GABPB1: variants seen among roughly 807,000 people sequenced by gnomAD.
GABPB1 encodes the protein GA binding protein transcription factor subunit beta 1.
A neutral mutation model predicts 45.9 loss-of-function variants in GABPB1; 15 were observed. The observed-to-expected ratio is 0.33, with a 90% CI of 0.22 to 0.50. The LOEUF (loss-of-function observed/expected upper bound fraction) is 0.50, where lower values mean the gene tolerates loss of function less well. Ranked by LOEUF, GABPB1 falls within the 20% of genes least tolerant of loss-of-function variation. The pLI, the probability that GABPB1 is intolerant of heterozygous loss-of-function variation, is 0.98. For missense variants in GABPB1, 252 were observed against 457.5 expected (o/e 0.55, Z 4.10); for synonymous variants, 143 against 154.4 (o/e 0.93, Z 0.55).
At chr15:50,321,067 G>A (rs542586835) in intron 1 of GABPB1, among the ~76,000 whole-genome samples, 14 of 152,266 alleles carry the variant, frequency 9.2e-5, no homozygotes, top group Non-Finnish European at 1.5e-4. Flanking sequence ...ATTATTACAC[G>A]ATAGGAATAG....
At chr15:50,347,391 ATTTT>A (rs997547675) in intron 1 of GABPB1, 3 of 151,780 alleles carry the variant, frequency 2.0e-5, no homozygotes, top group African/African-American at 7.3e-5. Context: ...CACCATACAA[ATTTT>A]TTTTATTTTT....
intron 8 of GABPB1, among the ~76,000 whole-genome samples, chr15:50,279,763 T>C (rs2045917357): frequency 6.6e-6 from 1 of 151,832 alleles, no homozygotes; most frequent in Non-Finnish European, 1.5e-5. Context: ...GACCTCTGAG[T>C]GGGGTGAAGG....
chr15:50,312,111 G>A (rs1478972734), intron 1 of GABPB1, among the ~76,000 whole-genome samples: 3 of 152,104 alleles, frequency 2.0e-5, no homozygotes, highest in East Asian at 1.9e-4. Context: ...CTGGGAGGCC[G>A]AGGTGGGTGA....
chr15:50,280,188 G>A lies in GABPB1; in HGVS notation c.1000-1404C>T, dbSNP rs542297633. On this transcript the variant is annotated intron_variant, in intron 8 of 8. Coordinates refer to ENST00000380877, the MANE Select transcript of GABPB1 (RefSeq NM_016654.5). ...AAGAAAGGAATGTCCCTTACTCCCA[G>A]TTTAAGCAATGCCCAGGCCCTATCC... is the stretch of plus-strand genomic sequence containing the variant. 1.2e-4 allele frequency among the ~76,000 whole-genome samples: 18 copies of A among 152,214 alleles called. No homozygotes were observed. In the East Asian group the frequency reaches 3.1e-3, roughly 26 times the overall value.
In GABPB1 at chr15:50,330,584, A is replaced by T. The variant is rs2047914944; in HGVS notation, c.1-20786T>A. 2.1e-5 allele frequency among the ~76,000 whole-genome samples: 3 copies of T among 143,588 alleles called. No homozygotes were observed. In the South Asian group the frequency reaches 6.2e-4, roughly 30 times the overall value. The allele number at this position is 143,588 out of a possible 152,430, so 94.2% of individuals were successfully genotyped here. On this transcript the variant is annotated intron_variant, in intron 1 of 8. Transcript: ENST00000380877. ...ACCCAATTCTCCTTCCTCATCCCAT[A>T]CACACTTACCTTATTCCAGACCCAA...
At chr15:50,337,203 A>G (rs546410624) in intron 1 of GABPB1, among the ~76,000 whole-genome samples, 37 of 148,228 alleles carry the variant, frequency 2.5e-4, no homozygotes, top group African/African-American at 6.9e-4. Flanking sequence ...TGTTTCCCAA[A>G]GCTCCAGACT....
intron 6 of GABPB1, among the ~76,000 whole-genome samples, chr15:50,292,029 T>C (rs920111526): frequency 6.6e-6 from 1 of 151,534 alleles, no homozygotes; most frequent in Admixed American, 6.6e-5. Context: ...ATTTAAAAAA[T>C]GACAAGTTAA....
rs60408137 is a variant in GABPB1, at chr15:50,302,643, C to CAAAAA, written c.471+281_471+285dup. ...TGGGGGACAGATCAAGACTCTGGCT[C>CAAAAA]AAAAAAAAAAAAAAAAAAAAAAAAA... On this transcript the variant is annotated intron_variant, in intron 4 of 8. Transcript: ENST00000380877. 9.2e-4 allele frequency among the ~76,000 whole-genome samples: 57 copies of CAAAAA among 62,188 alleles called. 2 individuals carry two copies. The highest frequency in any genetic ancestry group is 1.2e-3 in the African/African-American group (21 of 16,898). The allele number at this position is 62,188 out of a possible 152,430, so 40.8% of individuals were successfully genotyped here. A position where few individuals can be genotyped will look rare whatever the true frequency, so the allele number is the denominator to read the frequency against.
chr15:50,337,793 C>T (rs936417765), intron 1 of GABPB1, among the ~76,000 whole-genome samples: 1 of 152,036 alleles, frequency 6.6e-6, no homozygotes, highest in African/African-American at 2.4e-5. Context: ...AAAAGAATTA[C>T]TTAGTTCTTT....
intron 1 of GABPB1, among the ~76,000 whole-genome samples, chr15:50,344,395 G>A (rs1310220747): frequency 6.6e-6 from 1 of 152,180 alleles, no homozygotes; most frequent in Non-Finnish European, 1.5e-5. Flanking sequence ...AATAGCACAT[G>A]TTCTCTCCTC....
chr15:50,302,863 T>A, intron 4 of GABPB1, 66 bp downstream of exon 4: 1 of 1,063,182 alleles, frequency 9.4e-7, no homozygotes, highest in Non-Finnish European at 1.4e-6. Context: ...ATGCACAATA[T>A]AAGAGATCCC....
chr15:50,308,054 T>C (rs553493765), intron 2 of GABPB1, among the ~76,000 whole-genome samples: 79 of 152,342 alleles, frequency 5.2e-4, no homozygotes, highest in Non-Finnish European at 1.0e-3. Context: ...TTTAGCTGTT[T>C]CTAATCTGTT....
intron 1 of GABPB1, chr15:50,314,805 T>G (rs934072702): frequency 2.6e-5 from 4 of 152,236 alleles, no homozygotes; most frequent in Non-Finnish European, 4.4e-5. Flanking sequence ...TATTCTAGAA[T>G]GCAGCCATAC....
intron 6 of GABPB1, among the ~76,000 whole-genome samples, chr15:50,299,409 TTC>T (rs2046644455): frequency 6.6e-6 from 1 of 152,196 alleles, no homozygotes; most frequent in Admixed American, 6.5e-5. Context: ...ACCCTTTCAT[TTC>T]TTTTTGAGAC....
chr15:50,352,800 A>G (rs1319076585), intron 1 of GABPB1: 2 of 152,244 alleles, frequency 1.3e-5, no homozygotes, highest in Admixed American at 6.5e-5. Flanking sequence ...CAGTTCACAG[A>G]AACAACTGGA....
At chr15:50,288,249 T>C (rs1407208370) in intron 7 of GABPB1, among the ~76,000 whole-genome samples, 2 of 152,210 alleles carry the variant, frequency 1.3e-5, no homozygotes, top group East Asian at 3.9e-4. Context: ...TAGAGATGAG[T>C]ATCATTGTGT....
chr15:50,289,186 C>T (rs1173111582), intron 7 of GABPB1, among the ~76,000 whole-genome samples: 3 of 152,086 alleles, frequency 2.0e-5, no homozygotes, highest in African/African-American at 4.8e-5. Context: ...GACATTTAAG[C>T]TCATTTTTCA....
intron 1 of GABPB1, chr15:50,314,789 T>C (rs1412281748): frequency 2.6e-5 from 4 of 152,260 alleles, no homozygotes; most frequent in Non-Finnish European, 4.4e-5. Context: ...GTTAATGTAT[T>C]CCAAATATTC....
At chr15:50,280,618 C>T (rs766574128) in intron 8 of GABPB1, among the ~76,000 whole-genome samples, 1 of 151,988 alleles carries the variant, frequency 6.6e-6, no homozygotes, top group African/African-American at 2.4e-5. Context: ...TGGTGGTATG[C>T]GCCTGTAGTC....
Sources: allele counts gnomAD v4.1 joint callset (sites outside exome capture counted in the v4.1 genomes callset), GRCh38; gene constraint gnomAD v4.1.1; transcripts MANE v1.5; gene names NCBI Gene and HGNC (gene_info 2026-07-23, HGNC 2026-07-21).